Variants in ROBO1 observed in about 807,000 individuals in gnomAD.
The protein encoded by ROBO1 is roundabout guidance receptor 1, also known as roundabout homolog 1.
In ROBO1, 149 loss-of-function variants were observed where a neutral mutation model predicts 195.9. The ratio of observed to expected loss-of-function variants is 0.76; its 90% CI spans 0.67 to 0.87. The LOEUF is 0.87. ROBO1 is among the 40% of genes least tolerant of loss of function. The pLI, the probability that ROBO1 is intolerant of heterozygous loss-of-function variation, is 0.00. For synonymous variants in ROBO1, 816 were observed against 733.2 expected, an observed-to-expected ratio of 1.11 and a Z score of -1.82; for missense variants, 1,933 against 2,068.3, an observed-to-expected ratio of 0.93 and a Z score of 1.27.
In ROBO1 at chr3:79,643,352, T is replaced by C. The variant is rs138806658; in HGVS notation, c.-50-53391A>G. Among the ~76,000 whole-genome samples the C allele has an allele frequency of 5.0e-3, 760 of 152,244 alleles. 12 individuals carry two copies. Among genetic ancestry groups the C allele is most frequent in the African/African-American group, 0.017 (699 of 41,562 alleles). The stretch of plus-strand genomic sequence containing the variant: ...TGTTCCTCAGCTTGCAGATGGCCTA[T>C]TGTGAGACTTCACCTTGTGATTGTG... On this transcript the variant is annotated intron_variant, in intron 1 of 30. Coordinates refer to ENST00000464233, the MANE Select transcript of ROBO1 (RefSeq NM_002941.4).
intron 2 of ROBO1, among the ~76,000 whole-genome samples, chr3:79,307,644 G>T (rs1014192787): frequency 4.0e-5 from 6 of 151,864 alleles, no homozygotes; most frequent in African/African-American, 1.2e-4. Context: ...GTTCTTATTA[G>T]AATTTTTGAT....
intron 3 of ROBO1, among the ~76,000 whole-genome samples, chr3:79,107,587 G>A (rs971040069): frequency 6.6e-6 from 1 of 151,664 alleles, no homozygotes; most frequent in Non-Finnish European, 1.5e-5. Flanking sequence ...ATAGGTGGCT[G>A]AAAAGGACTG....
intron 4 of ROBO1, among the ~76,000 whole-genome samples, chr3:78,778,023 T>G (rs534431974): frequency 5.9e-5 from 9 of 152,338 alleles, no homozygotes; most frequent in African/African-American, 2.2e-4. Flanking sequence ...ATACCTATTT[T>G]ATTGAGAGTT....
chr3:79,320,648 T>C (rs925382229), intron 2 of ROBO1, among the ~76,000 whole-genome samples: 2 of 152,174 alleles, frequency 1.3e-5, no homozygotes, highest in African/African-American at 4.8e-5. Flanking sequence ...TTTCAACATA[T>C]GAATGTTGGA....
At chr3:79,025,430 G>A (rs1355540564) in intron 3 of ROBO1, among the ~76,000 whole-genome samples, 3 of 151,918 alleles carry the variant, frequency 2.0e-5, no homozygotes, top group East Asian at 1.9e-4. Flanking sequence ...ATGAGGCCAG[G>A]GATTCTTGAT....
intron 4 of ROBO1, among the ~76,000 whole-genome samples, chr3:78,937,131 A>G (rs955464872): frequency 6.6e-6 from 1 of 152,028 alleles, no homozygotes; most frequent in African/African-American, 2.4e-5. Flanking sequence ...AATTTTTGGC[A>G]TTCTGTCTTA....
chr3:79,600,458 G>C (rs1944306696), intron 1 of ROBO1, among the ~76,000 whole-genome samples: 1 of 151,958 alleles, frequency 6.6e-6, no homozygotes, highest in African/African-American at 2.4e-5. Context: ...AGAGAAAAGG[G>C]AGTGAGAGAA....
chr3:79,483,771 A>C (rs920628584), intron 2 of ROBO1, among the ~76,000 whole-genome samples: 3 of 152,176 alleles, frequency 2.0e-5, no homozygotes, highest in African/African-American at 7.2e-5. Flanking sequence ...AGCATTGCTA[A>C]GATGAGCATG....
intron 1 of ROBO1, among the ~76,000 whole-genome samples, chr3:79,620,469 C>G (rs770854450): frequency 1.6e-4 from 24 of 152,098 alleles, no homozygotes; most frequent in Admixed American, 6.5e-4. Flanking sequence ...TATCGACGGC[C>G]AGGCTTCTAA....
At chr3:79,210,572 A>G (rs2081951059) in intron 2 of ROBO1, among the ~76,000 whole-genome samples, 1 of 152,156 alleles carries the variant, frequency 6.6e-6, no homozygotes, top group Non-Finnish European at 1.5e-5. Flanking sequence ...TGGAGTGACC[A>G]TCTTTTCATA....
chr3:79,486,096 T>C (rs1939144445), intron 2 of ROBO1, among the ~76,000 whole-genome samples: 1 of 152,202 alleles, frequency 6.6e-6, no homozygotes, highest in Non-Finnish European at 1.5e-5. Context: ...AATGGCTGTT[T>C]CTTCATCTAT....
At chr3:78,832,293 T>C (rs1400093553) in intron 4 of ROBO1, among the ~76,000 whole-genome samples, 4 of 152,204 alleles carry the variant, frequency 2.6e-5, no homozygotes, top group African/African-American at 9.6e-5. Context: ...CTCTTTCCTT[T>C]CTAAACTCAA....
chr3:78,822,644 T>C lies in ROBO1; in HGVS notation c.500-75744A>G, dbSNP rs139020144. ...CACAGTACATATAAGAATACATGGT[T>C]TCCTCTGAAAAAGCAACATTTCTAT... On this transcript the variant is annotated intron_variant, in intron 4 of 30. Coordinates refer to ENST00000464233, the MANE Select transcript of ROBO1 (RefSeq NM_002941.4). Among the ~76,000 whole-genome samples, 5 of 152,312 alleles carry C rather than the reference T, an allele frequency of 3.3e-5. No individual in the cohort carries two copies. The East Asian group carries it at 9.7e-4, about 29-fold the overall frequency.
chr3:78,702,188 G>A (rs905950841), intron 8 of ROBO1, among the ~76,000 whole-genome samples: 3 of 152,008 alleles, frequency 2.0e-5, no homozygotes, highest in South Asian at 2.1e-4. Flanking sequence ...AAAACGATTC[G>A]CCAGTCTAAA....
intron 1 of ROBO1, among the ~76,000 whole-genome samples, chr3:79,597,700 G>T (rs1196510983): frequency 6.6e-6 from 1 of 151,968 alleles, no homozygotes; most frequent in East Asian, 1.9e-4. Flanking sequence ...TATATACTTG[G>T]ATTTGCTTTA....
chr3:79,570,607 T>C (rs953920292), intron 2 of ROBO1, among the ~76,000 whole-genome samples: 6 of 152,248 alleles, frequency 3.9e-5, no homozygotes, highest in African/African-American at 1.4e-4. Flanking sequence ...AAAAATGTCA[T>C]AGTAGAAAGA....
At chr3:79,375,125 T>C (rs2036336818) in intron 2 of ROBO1, among the ~76,000 whole-genome samples, 1 of 152,148 alleles carries the variant, frequency 6.6e-6, no homozygotes, top group Non-Finnish European at 1.5e-5. Context: ...GGAGGGTGAA[T>C]CAAATGGCTT....
At chr3:78,900,484 G>A (rs1296384049) in intron 4 of ROBO1, among the ~76,000 whole-genome samples, 2 of 152,070 alleles carry the variant, frequency 1.3e-5, no homozygotes, top group Non-Finnish European at 2.9e-5. Context: ...CTTGCATGAT[G>A]TTCTTAATAA....
chr3:78,800,336 T>C (rs1220758420), intron 4 of ROBO1, among the ~76,000 whole-genome samples: 3 of 152,150 alleles, frequency 2.0e-5, no homozygotes, highest in Non-Finnish European at 4.4e-5. Flanking sequence ...TGATCCCTTA[T>C]TAAATTCATA....
Sources: gnomAD v4.1 joint callset for allele counts (sites outside exome capture counted in the v4.1 genomes callset) on GRCh38, gnomAD v4.1.1 for gene constraint, MANE v1.5 for transcripts, NCBI Gene and HGNC (gene_info 2026-07-23, HGNC 2026-07-21) for gene names.